Variants in ARHGEF38 observed in about 807,000 individuals in gnomAD.
ARHGEF38 encodes the protein Rho guanine nucleotide exchange factor 38, also known as Rho guanine nucleotide exchange factor (GEF) 38.
Under a neutral mutation model 79.9 loss-of-function variants are expected in ARHGEF38, and 79 were observed. That is an observed-to-expected ratio of 0.99 (90% CI 0.82 to 1.19). The LOEUF (loss-of-function observed/expected upper bound fraction) is 1.19. Among genes scored for constraint, ARHGEF38 ranks in the 50% most tolerant of loss-of-function variants. ARHGEF38 has a pLI of 0.00. For missense variants in ARHGEF38, 962 were observed against 907.2 expected (o/e 1.06, Z -0.78); for synonymous variants, 366 against 328.3 (o/e 1.11, Z -1.24).
chr4:105,561,459 A>AGAATAGAATGGAATGGAATGGAATG (rs1578253525), intron 1 of ARHGEF38: 1 of 38,078 alleles, frequency 2.6e-5, no homozygotes, highest in Non-Finnish European at 5.3e-5. Flanking sequence ...GGAATAGAAT[A>AGAATAGAATGGAATGGAATGGAATG]GAATAGAATA....
chr4:105,622,127 A>T (rs776679177), intron 3 of ARHGEF38, among the ~76,000 whole-genome samples: 11 of 152,106 alleles, frequency 7.2e-5, no homozygotes, highest in Non-Finnish European at 1.3e-4. Flanking sequence ...AATAAAATAA[A>T]GGTGGCTTAG....
At position 105,644,186 on chromosome 4, in the gene ARHGEF38, T is replaced by A. The variant is rs542001412; in HGVS notation, c.675-1002T>A. 8.9e-4 allele frequency among the ~76,000 whole-genome samples: 136 copies of A among 152,288 alleles called. 1 individual carries two copies. The South Asian group carries it at 9.5e-3, about 11-fold the overall frequency. ...CCTGGCCCCCGACCCTTTCTAATGA[T>A]GCAACTTTTCTAATTTTGTTCAACA... On this transcript the variant is annotated intron_variant, in intron 5 of 13. Transcript: ENST00000420470.
At chr4:105,669,232 A>C (rs2110580596) in intron 13 of ARHGEF38, among the ~76,000 whole-genome samples, 1 of 152,290 alleles carries the variant, frequency 6.6e-6, no homozygotes, top group South Asian at 2.1e-4. Flanking sequence ...TATATCTTAG[A>C]CACAATTAAA....
intron 3 of ARHGEF38, among the ~76,000 whole-genome samples, chr4:105,626,780 T>A (rs1231205887): frequency 6.6e-6 from 1 of 151,980 alleles, no homozygotes; most frequent in African/African-American, 2.4e-5. Flanking sequence ...CACTTTCAGG[T>A]GAAAGTTTCA....
At chr4:105,596,568 A>G (rs1294284817) in intron 2 of ARHGEF38, among the ~76,000 whole-genome samples, 1 of 152,248 alleles carries the variant, frequency 6.6e-6, no homozygotes, top group African/African-American at 2.4e-5. Flanking sequence ...GAAAATTTAT[A>G]TATAATAAAG....
chr4:105,605,709 C>A (rs7681991), intron 2 of ARHGEF38, among the ~76,000 whole-genome samples: 8,521 of 152,074 alleles, frequency 0.056, 265 homozygotes, highest in Middle Eastern at 0.078. Flanking sequence ...TACCCTGAAA[C>A]GCTTTGTAAT....
intron 1 of ARHGEF38, among the ~76,000 whole-genome samples, chr4:105,580,828 C>T (rs2110439528): frequency 6.6e-6 from 1 of 152,154 alleles, no homozygotes; most frequent in South Asian, 2.1e-4. Flanking sequence ...TTCTCCACCA[C>T]TAAGCCCGGC....
At chr4:105,581,969 G>A (rs1397609986) in intron 1 of ARHGEF38, among the ~76,000 whole-genome samples, 1 of 151,896 alleles carries the variant, frequency 6.6e-6, no homozygotes, top group Non-Finnish European at 1.5e-5. Flanking sequence ...CTCGAGACCA[G>A]CCTGGCCAAC....
intron 5 of ARHGEF38, among the ~76,000 whole-genome samples, chr4:105,637,528 G>C (rs1159852754): frequency 2.0e-5 from 3 of 152,050 alleles, no homozygotes; most frequent in African/African-American, 7.2e-5. Flanking sequence ...GAGGTGCATC[G>C]GCCTCCTGGC....
chr4:105,668,442 A>C (rs1318881698), intron 13 of ARHGEF38, among the ~76,000 whole-genome samples: 1 of 152,150 alleles, frequency 6.6e-6, no homozygotes, highest in Non-Finnish European at 1.5e-5. Context: ...CCCTCACTGC[A>C]CTAATGCAAA....
At chr4:105,582,693 G>T (rs1022734954) in intron 1 of ARHGEF38, among the ~76,000 whole-genome samples, 4 of 151,918 alleles carry the variant, frequency 2.6e-5, no homozygotes, top group African/African-American at 9.7e-5. Flanking sequence ...TCTAATTATT[G>T]GAGTAAATAT....
chr4:105,622,033 T>C (rs1383347249), intron 3 of ARHGEF38, among the ~76,000 whole-genome samples: 1 of 152,202 alleles, frequency 6.6e-6, no homozygotes, highest in East Asian at 1.9e-4. Context: ...GGTACCAGGC[T>C]GTAACATGGG....
chr4:105,606,102 A>G (rs902370732), intron 2 of ARHGEF38, among the ~76,000 whole-genome samples: 1 of 152,130 alleles, frequency 6.6e-6, no homozygotes, highest in Non-Finnish European at 1.5e-5. Context: ...GAGGGCACCA[A>G]GGTTCTATTA....
At chr4:105,626,483 A>G (rs765205302) in intron 3 of ARHGEF38, among the ~76,000 whole-genome samples, 3 of 152,222 alleles carry the variant, frequency 2.0e-5, no homozygotes, top group Non-Finnish European at 4.4e-5. Context: ...AAATTAAGGA[A>G]CAGATAAGTA....
chr4:105,681,629 T>C (rs150906756), downstream of ARHGEF38, among the ~76,000 whole-genome samples: 37 of 152,298 alleles, frequency 2.4e-4, 1 homozygote, highest in East Asian at 6.9e-3. Flanking sequence ...AACGCAGACC[T>C]TCCACATTTT....
intron 2 of ARHGEF38, among the ~76,000 whole-genome samples, chr4:105,607,231 G>A (rs1728087406): frequency 6.6e-6 from 1 of 152,086 alleles, no homozygotes; most frequent in Non-Finnish European, 1.5e-5. Context: ...GCACCCCAGT[G>A]TGCCTTTGCA....
At chr4:105,658,957 C>T (rs973925640) in intron 9 of ARHGEF38, 97 bp from the exon 10 acceptor site, 3 of 1,076,652 alleles carry the variant, frequency 2.8e-6, no homozygotes, top group Non-Finnish European at 3.9e-6. Flanking sequence ...TTCTTTTGTG[C>T]TTCTCGTGGG....
At chr4:105,565,270 A>G (rs1004893101) in intron 1 of ARHGEF38, among the ~76,000 whole-genome samples, 2 of 152,106 alleles carry the variant, frequency 1.3e-5, no homozygotes, top group African/African-American at 4.8e-5. Context: ...TTAATACCTC[A>G]CTGGCTCCCC....
In ARHGEF38 at chr4:105,649,983, G is replaced by C. The variant is rs140344573; in HGVS notation, c.1008+1301G>C. On this transcript the variant is annotated intron_variant, in intron 7 of 13. Coordinates refer to ENST00000420470, the MANE Select transcript of ARHGEF38 (RefSeq NM_001242729.2). ...TCATCTGTAAATTCGGATTCTCCTA[G>C]TACTTAACAAATGGGATGGTTGTGA... is the stretch of plus-strand genomic sequence containing the variant. 2.4e-3 allele frequency among the ~76,000 whole-genome samples: 361 copies of C among 152,288 alleles called. 2 individuals are homozygous for C. The highest frequency in any genetic ancestry group is 8.4e-3 in the African/African-American group (350 of 41,556).
Sources: allele counts gnomAD v4.1 joint callset (sites outside exome capture counted in the v4.1 genomes callset), GRCh38; gene constraint gnomAD v4.1.1; transcripts MANE v1.5; gene names NCBI Gene and HGNC (gene_info 2026-07-23, HGNC 2026-07-21).